Variants in PPFIA2 observed in about 807,000 individuals in gnomAD.
PPFIA2 encodes the protein PPFI scaffold protein A2.
A neutral mutation model predicts 175.5 loss-of-function variants in PPFIA2; 46 were observed. The ratio of observed to expected loss-of-function variants is 0.26; its 90% CI spans 0.21 to 0.34. The LOEUF (loss-of-function observed/expected upper bound fraction) is 0.34, where lower values mean the gene tolerates loss of function less well. Among genes scored for constraint, PPFIA2 ranks in the 10% least tolerant of loss-of-function variants. PPFIA2 has a pLI of 1.00. For synonymous variants in PPFIA2, 568 were observed against 511.4 expected, an observed-to-expected ratio of 1.11 and a Z score of -1.49; for missense variants, 1,179 against 1,506.1, an observed-to-expected ratio of 0.78 and a Z score of 3.60.
At chr12:81,306,336 C>T (rs561319741) in intron 22 of PPFIA2, among the ~76,000 whole-genome samples, 1 of 152,220 alleles carries the variant, frequency 6.6e-6, no homozygotes, top group Non-Finnish European at 1.5e-5. Context: ...GGCTGCACAT[C>T]CATAACAAGT....
chr12:81,398,754 G>A (rs1483687835), intron 8 of PPFIA2, among the ~76,000 whole-genome samples: 1 of 152,072 alleles, frequency 6.6e-6, no homozygotes, highest in Non-Finnish European at 1.5e-5. Flanking sequence ...CCATATTAAG[G>A]CATGTCCTGT....
In PPFIA2 at chr12:81,258,240, T is replaced by G. The variant is rs1192495303; in HGVS notation, c.*1454A>C. 2.0e-5 allele frequency: 3 copies of G among 152,152 alleles called. No homozygotes were observed. The South Asian group carries it at 6.2e-4, about 32-fold the overall frequency. The allele number at this position is 152,152 out of a possible 1,614,324, so 9.4% of individuals were successfully genotyped here. ...AGTAAATTGTCGAGCCTTATGTGAC[T>G]AGAAAACAAAGCTTAAACAGAGAAC... On this transcript the variant is annotated 3_prime_UTR_variant, in exon 33 of 33. Coordinates refer to ENST00000549396, the MANE Select transcript of PPFIA2 (RefSeq NM_003625.5).
intron 17 of PPFIA2, among the ~76,000 whole-genome samples, chr12:81,352,200 A>T (rs1266554516): frequency 6.6e-6 from 1 of 151,862 alleles, no homozygotes; most frequent in Non-Finnish European, 1.5e-5. Context: ...GTCTTCCATA[A>T]ATCTTTCTTT....
At chr12:81,728,636 T>A (rs1455539678) in intron 3 of PPFIA2, among the ~76,000 whole-genome samples, 2 of 151,418 alleles carry the variant, frequency 1.3e-5, no homozygotes, top group African/African-American at 4.8e-5. Context: ...TTACAATTTT[T>A]AAAAATAAGA....
chr12:81,677,609 T>C (rs902918237), intron 3 of PPFIA2, among the ~76,000 whole-genome samples: 2 of 151,956 alleles, frequency 1.3e-5, no homozygotes, highest in Non-Finnish European at 2.9e-5. Flanking sequence ...ATTTATCTTT[T>C]TGTGCCTGGC....
At chr12:81,468,206 T>G (rs1260429884) in intron 4 of PPFIA2, among the ~76,000 whole-genome samples, 1 of 152,224 alleles carries the variant, frequency 6.6e-6, no homozygotes, top group African/African-American at 2.4e-5. Context: ...TTCAGCCAAT[T>G]AATGCTCTTG....
intron 4 of PPFIA2, among the ~76,000 whole-genome samples, chr12:81,633,164 A>AT (rs1434001307): frequency 6.6e-6 from 1 of 152,050 alleles, no homozygotes; most frequent in East Asian, 1.9e-4. Context: ...GAGTGTGGCT[A>AT]TTTTTATTAC....
rs1229515945 is a variant in PPFIA2 at position 81,379,487 on chromosome 12, G to T, written c.985-3545C>A. Among the ~76,000 whole-genome samples the T allele has an allele frequency of 2.0e-5, 3 of 152,052 alleles. No homozygotes were observed. The East Asian group carries it at 5.8e-4, about 29-fold the overall frequency. ...TGTTAATAGGAAGTTGGAAATACAG[G>T]ATGGTTTTATTCACAAAACAAAATG... On this transcript the variant is annotated intron_variant, in intron 9 of 32. Coordinates refer to ENST00000549396, the MANE Select transcript of PPFIA2 (RefSeq NM_003625.5).
chr12:81,385,149 A>G (rs1464891966), intron 8 of PPFIA2, among the ~76,000 whole-genome samples: 1 of 152,166 alleles, frequency 6.6e-6, no homozygotes, highest in African/African-American at 2.4e-5. Flanking sequence ...AATTAAAACC[A>G]CGATGAGATA....
intron 7 of PPFIA2, among the ~76,000 whole-genome samples, chr12:81,409,129 A>G (rs914269429): frequency 1.3e-5 from 2 of 152,170 alleles, no homozygotes; most frequent in African/African-American, 4.8e-5. Flanking sequence ...AACACAAGAG[A>G]TGGCTAGGGA....
intron 21 of PPFIA2, among the ~76,000 whole-genome samples, chr12:81,328,699 G>T (rs1249143706): frequency 6.6e-6 from 1 of 152,070 alleles, no homozygotes; most frequent in Non-Finnish European, 1.5e-5. Context: ...TTGAGGGAGG[G>T]TGCATTTTTT....
chr12:81,321,278 G>T (rs1187254505), intron 22 of PPFIA2, among the ~76,000 whole-genome samples: 1 of 152,054 alleles, frequency 6.6e-6, no homozygotes, highest in East Asian at 1.9e-4. Flanking sequence ...TTTGCCACTT[G>T]CCCTATCATC....
chr12:81,739,343 A>C (rs2082047166), intron 3 of PPFIA2, among the ~76,000 whole-genome samples: 1 of 152,104 alleles, frequency 6.6e-6, no homozygotes, highest in Admixed American at 6.6e-5. Context: ...TTATTTGTCC[A>C]GATGGAATAT....
At chr12:81,411,235 A>T (rs1566707779) in intron 7 of PPFIA2, among the ~76,000 whole-genome samples, 1 of 152,082 alleles carries the variant, frequency 6.6e-6, no homozygotes, top group Non-Finnish European at 1.5e-5. Flanking sequence ...AAGTTGTTTA[A>T]TATTCCTGTG....
At chr12:81,588,739 A>T (rs887650629) in intron 4 of PPFIA2, among the ~76,000 whole-genome samples, 5 of 152,002 alleles carry the variant, frequency 3.3e-5, no homozygotes, top group African/African-American at 1.2e-4. Flanking sequence ...TTTCTCTTTT[A>T]TTAGCTCACA....
At chr12:81,723,528 A>C (rs1285383759) in intron 3 of PPFIA2, among the ~76,000 whole-genome samples, 1 of 151,018 alleles carries the variant, frequency 6.6e-6, no homozygotes, top group Non-Finnish European at 1.5e-5. Context: ...ATGCATTCTT[A>C]GCTGTCATTA....
intron 29 of PPFIA2, 142 bp downstream of exon 29, chr12:81,267,770 A>G (rs1056751810): frequency 8.0e-6 from 5 of 624,608 alleles, no homozygotes; most frequent in Non-Finnish European, 1.2e-5. Context: ...ACTAGCCTGA[A>G]ATTAAAACCC....
At chr12:81,445,521 T>G (rs775644800) in intron 6 of PPFIA2, 35 bp downstream of exon 6, 4 of 1,590,176 alleles carry the variant, frequency 2.5e-6, no homozygotes, top group Non-Finnish European at 3.4e-6. Flanking sequence ...ATGACAGAAG[T>G]GTAGTTAAGC....
intron 3 of PPFIA2, among the ~76,000 whole-genome samples, chr12:81,694,275 G>A (rs1049268688): frequency 3.9e-5 from 6 of 152,128 alleles, no homozygotes; most frequent in African/African-American, 1.2e-4. Flanking sequence ...AAAACTGTGT[G>A]GCAGCCCCTC....
Sources: allele counts gnomAD v4.1 joint callset (sites outside exome capture counted in the v4.1 genomes callset), GRCh38; gene constraint gnomAD v4.1.1; transcripts MANE v1.5; gene names NCBI Gene and HGNC (gene_info 2026-07-23, HGNC 2026-07-21).